The following IGSF10 variants were observed in gnomAD, a reference collection of about 807,000 sequenced individuals.
The protein encoded by IGSF10 is immunoglobulin superfamily member 10.
A neutral mutation model predicts 128.2 loss-of-function variants in IGSF10; 126 were observed. The observed-to-expected ratio is 0.98, with a 90% CI of 0.85 to 1.14. IGSF10 has a LOEUF of 1.14. Ranked by LOEUF, IGSF10 falls within the 50% of genes most tolerant of loss-of-function variation. IGSF10 has a pLI of 0.00. For synonymous variants in IGSF10, 1,185 were observed against 1,146.2 expected, an observed-to-expected ratio of 1.03 and a Z score of -0.68; for missense variants, 3,295 against 3,149.8, an observed-to-expected ratio of 1.05 and a Z score of -1.10.
chr3:151,445,052 A>G lies in IGSF10; in HGVS notation c.4929T>C (p.Tyr1643=), dbSNP rs1376519298. The stretch of plus-strand genomic sequence containing the variant: ...CAACTATCCTGGGCTTTTCAAATAT[A>G]TACCTAGACAAAGAGTCAAAGGGAA... The part of the protein sequence containing the change: ...KLLPFDSLSR[Y]IFEKPRIVGG... Residue 1643 remains tyrosine (Y), a synonymous_variant, in exon 6 of 8, where the codon TAT becomes TAC. Transcript: ENST00000282466. 2 of 1,614,224 alleles carry G rather than the reference A, an allele frequency of 1.2e-6. No individual in the cohort carries two copies. Among genetic ancestry groups the G allele is most frequent in the Admixed American group, 3.3e-5 (2 of 60,028 alleles).
chr3:151,513,532 C>G, the IGSF10 span, among the ~76,000 whole-genome samples: 5 of 152,120 alleles, frequency 3.3e-5, no homozygotes, highest in Admixed American at 6.5e-5. Context: ...TGGGCAAAAA[C>G]TGGAAGCATT....
At chr3:151,499,138 C>A in the IGSF10 span, among the ~76,000 whole-genome samples, 1 of 152,050 alleles carries the variant, frequency 6.6e-6, no homozygotes. Flanking sequence ...GCATACAATT[C>A]CTTTGGCTAT....
chr3:151,511,009 C>A, the IGSF10 span, among the ~76,000 whole-genome samples: 1 of 151,946 alleles, frequency 6.6e-6, no homozygotes, highest in South Asian at 2.1e-4. Flanking sequence ...GAAAGTGATG[C>A]GGAGAATGGA....
chr3:151,559,022 C>T, the IGSF10 span, among the ~76,000 whole-genome samples: 1 of 151,970 alleles, frequency 6.6e-6, no homozygotes, highest in Admixed American at 6.6e-5. Flanking sequence ...GTTACAGTAA[C>T]CCAACAAAAA....
At chr3:151,583,616 A>AC in the IGSF10 span, among the ~76,000 whole-genome samples, 1 of 152,150 alleles carries the variant, frequency 6.6e-6, no homozygotes, top group Admixed American at 6.5e-5. Context: ...TAGGAGATAT[A>AC]CCTAATGTAA....
In IGSF10 at chr3:151,448,072, G is replaced by A; in HGVS notation, c.1909C>T (p.Pro637Ser). 1.2e-6 allele frequency: 2 copies of A among 1,614,110 alleles called. No homozygotes were observed. The highest frequency in any genetic ancestry group is 2.2e-5 in the South Asian group (2 of 91,078). The change falls in exon 6 of 8, where the codon CCG becomes TCG. Residue 637 changes from proline to serine, a missense_variant. Transcript: ENST00000282466. ...NGTLRILQVT[P>S]KDQGYYRCVA... ...CAGCGATAATAACCTTGGTCTTTCGGGGTGACCTGTAATATTCTTAATGTG... is the reference window on the plus strand; with the variant it reads ...CAGCGATAATAACCTTGGTCTTTCGAGGTGACCTGTAATATTCTTAATGTG...
chr3:151,440,324 C>A (rs995294865), intron 7 of IGSF10, among the ~76,000 whole-genome samples: 1 of 152,108 alleles, frequency 6.6e-6, no homozygotes, highest in Non-Finnish European at 1.5e-5. Flanking sequence ...ACCACCACAC[C>A]CAGTCATCAA....
chr3:151,434,025 A>G (rs1719815386), downstream of IGSF10: 1 of 152,654 alleles, frequency 6.6e-6, no homozygotes. Flanking sequence ...ACTTAAGAGT[A>G]TTCTATATAA....
At chr3:151,480,329 G>A in the IGSF10 span, among the ~76,000 whole-genome samples, 600 of 152,240 alleles carry the variant, frequency 3.9e-3, 4 homozygotes, top group African/African-American at 0.014. Flanking sequence ...ATCAGCTTGG[G>A]ACTAGGAGAG....
At chr3:151,508,058 C>T in the IGSF10 span, among the ~76,000 whole-genome samples, 2 of 151,818 alleles carry the variant, frequency 1.3e-5, no homozygotes, top group African/African-American at 4.8e-5. Flanking sequence ...AGAGTTTTCA[C>T]TAGGAATTTG....
At chr3:151,477,036 C>G in the IGSF10 span, among the ~76,000 whole-genome samples, 1 of 152,184 alleles carries the variant, frequency 6.6e-6, no homozygotes, top group Admixed American at 6.5e-5. Flanking sequence ...CCCTTCTACA[C>G]CACTGAGGCA....
At chr3:151,497,491 T>C in the IGSF10 span, among the ~76,000 whole-genome samples, 4 of 152,318 alleles carry the variant, frequency 2.6e-5, no homozygotes, top group Non-Finnish European at 2.9e-5. Flanking sequence ...GTTGTAGATA[T>C]GTGGCATTAT....
chr3:151,572,121 C>T, the IGSF10 span, among the ~76,000 whole-genome samples: 1 of 152,182 alleles, frequency 6.6e-6, no homozygotes. Flanking sequence ...ATTCGGTTTG[C>T]CGGTATTTTA....
intron 3 of IGSF10, among the ~76,000 whole-genome samples, chr3:151,457,847 C>T (rs1345303017): frequency 2.0e-5 from 3 of 152,140 alleles, no homozygotes; most frequent in Non-Finnish European, 4.4e-5. Flanking sequence ...ATTAATTGTA[C>T]TGACCGTACA....
At chr3:151,551,906 T>C in the IGSF10 span, among the ~76,000 whole-genome samples, 2 of 152,174 alleles carry the variant, frequency 1.3e-5, no homozygotes. Flanking sequence ...AAACAAGTTG[T>C]GATCATTTTG....
Position 151,443,167 on chromosome 3 carries a change from C to T in IGSF10, c.5780G>A (p.Arg1927Gln), listed in dbSNP as rs370577126. 2.2e-5 allele frequency: 35 copies of T among 1,614,122 alleles called. No individual in the cohort carries two copies. Among genetic ancestry groups the T allele is most frequent in the South Asian group, 8.8e-5 (8 of 91,092 alleles). Reference sequence around the variant, plus strand: ...TTCCATTGTAAGCATTACTACTCTTCGCTCCGAACCAGTGGAACTGGTAGC... The same window carrying T: ...TTCCATTGTAAGCATTACTACTCTTTGCTCCGAACCAGTGGAACTGGTAGC... Reference protein sequence around the residue: ...CIATSSTGSERRVVMLTMEER... With the variant: ...CIATSSTGSEQRVVMLTMEER... Residue 1927 changes from arginine (R) to glutamine (Q), a missense_variant, in exon 7 of 8, where the codon CGA becomes CAA. Physicochemically the swap from Arg to Gln is conservative, Grantham distance 43 (BLOSUM62 1). Transcript: ENST00000282466.
chr3:151,482,538 C>G, the IGSF10 span, among the ~76,000 whole-genome samples: 10 of 152,086 alleles, frequency 6.6e-5, no homozygotes, highest in Non-Finnish European at 1.2e-4. Context: ...GGAATAAAGA[C>G]AGTCTATAGG....
the IGSF10 span, among the ~76,000 whole-genome samples, chr3:151,504,396 G>A: frequency 2.0e-5 from 3 of 152,172 alleles, no homozygotes; most frequent in Non-Finnish European, 4.4e-5. Context: ...GAGAAAATGA[G>A]GCAGAGGTAA....
In IGSF10 at chr3:151,460,934, C is replaced by T. The variant is rs1340127918; in HGVS notation, c.-89+12G>A. 6 of 985,250 alleles carry T rather than the reference C, an allele frequency of 6.1e-6. No individual in the cohort carries two copies. The highest frequency in any genetic ancestry group is 5.2e-4 in the Middle Eastern group (1 of 1,936). 61.0% of individuals were successfully genotyped at this position (985,250 alleles called of 1,614,324 possible). ...CAGCCCTTTCCGGGGAAGGATTGGC[C>T]GAGGCGCTCACCTGTTTGCCCTGGT... On this transcript the variant is annotated intron_variant, in intron 1 of 7. Transcript: ENST00000282466.
Sources: gnomAD v4.1 joint callset for allele counts (sites outside exome capture counted in the v4.1 genomes callset) on GRCh38, gnomAD v4.1.1 for gene constraint, MANE v1.5 for transcripts, NCBI Gene and HGNC (gene_info 2026-07-23, HGNC 2026-07-21) for gene names.